CSMD3: variants seen among roughly 807,000 people sequenced by gnomAD.
CSMD3 encodes the protein CUB and Sushi multiple domains 3, also known as CUB and sushi domain-containing protein 3.
A neutral mutation model predicts 435.2 loss-of-function variants in CSMD3; 177 were observed. The ratio of observed to expected loss-of-function variants is 0.41; its 90% CI spans 0.36 to 0.46. The LOEUF (loss-of-function observed/expected upper bound fraction) is 0.46, where lower values mean the gene tolerates loss of function less well. Among genes scored for constraint, CSMD3 ranks in the 20% least tolerant of loss-of-function variants. The pLI is 0.34. For missense variants in CSMD3, 4,265 were observed against 4,504.6 expected (o/e 0.95, Z 1.52); for synonymous variants, 1,656 against 1,520.5 (o/e 1.09, Z -2.07).
At chr8:112,270,769 C>T (rs571084275) in intron 59 of CSMD3, among the ~76,000 whole-genome samples, 232 of 152,002 alleles carry the variant, frequency 1.5e-3, no homozygotes, top group South Asian at 3.5e-3. Context: ...TGGATTATTC[C>T]TCTGATTTGT....
intron 50 of CSMD3, among the ~76,000 whole-genome samples, chr8:112,308,883 C>A (rs1821691010): frequency 6.6e-6 from 1 of 151,872 alleles, no homozygotes; most frequent in East Asian, 1.9e-4. Context: ...CTGAAAAATG[C>A]AAAACAAGTT....
chr8:113,224,534 C>T (rs532816451), intron 3 of CSMD3, among the ~76,000 whole-genome samples: 1 of 151,240 alleles, frequency 6.6e-6, no homozygotes, highest in Non-Finnish European at 1.5e-5. Flanking sequence ...TATATAACAT[C>T]TGTTTGTAGC....
intron 3 of CSMD3, among the ~76,000 whole-genome samples, chr8:113,179,659 T>C (rs1302076883): frequency 6.6e-6 from 1 of 151,814 alleles, no homozygotes; most frequent in Non-Finnish European, 1.5e-5. Flanking sequence ...ATTCAATGAA[T>C]TGCAGGCTAA....
intron 22 of CSMD3, among the ~76,000 whole-genome samples, chr8:112,614,477 C>T (rs1490421819): frequency 6.6e-6 from 1 of 152,002 alleles, no homozygotes; most frequent in Non-Finnish European, 1.5e-5. Context: ...TCTCTGCCCT[C>T]ACCCCATCTT....
intron 2 of CSMD3, among the ~76,000 whole-genome samples, chr8:113,294,573 G>C (rs1254712777): frequency 6.6e-6 from 1 of 152,042 alleles, no homozygotes; most frequent in Non-Finnish European, 1.5e-5. Flanking sequence ...AAATTATTCT[G>C]ATGTAAGAAG....
chr8:112,747,314 T>C (rs543714998), intron 13 of CSMD3, among the ~76,000 whole-genome samples: 3 of 150,340 alleles, frequency 2.0e-5, no homozygotes, highest in Non-Finnish European at 4.4e-5. Context: ...AAGTTAAATG[T>C]GGTTGGAGAA....
At chr8:113,089,015 G>T (rs2089909717) in intron 5 of CSMD3, among the ~76,000 whole-genome samples, 1 of 152,002 alleles carries the variant, frequency 6.6e-6, no homozygotes, top group African/African-American at 2.4e-5. Flanking sequence ...CTCTGTCAGA[G>T]AATTTCTCTT....
At chr8:113,119,514 TAGAA>T (rs1300971846) in intron 4 of CSMD3, among the ~76,000 whole-genome samples, 1 of 151,972 alleles carries the variant, frequency 6.6e-6, no homozygotes, top group Admixed American at 6.6e-5. Context: ...GTTAAAAACA[TAGAA>T]AGAAAGTGAA....
chr8:113,382,981 A>AAAAT (rs578215203), intron 1 of CSMD3, among the ~76,000 whole-genome samples: 2 of 152,130 alleles, frequency 1.3e-5, no homozygotes, highest in Non-Finnish European at 2.9e-5. Context: ...ACTCTGTCTC[A>AAAAT]AAATAAATAA....
At chr8:113,380,473 G>A (rs1200264061) in intron 1 of CSMD3, among the ~76,000 whole-genome samples, 6 of 152,006 alleles carry the variant, frequency 3.9e-5, no homozygotes, top group South Asian at 2.1e-4. Context: ...GAAAGAATTA[G>A]AAAAATATGA....
rs556095761 is a variant in CSMD3, at chr8:112,467,330, CG to C, written c.5395+5260del. On this transcript the variant is annotated intron_variant, in intron 32 of 70. Coordinates refer to ENST00000297405, the MANE Select transcript of CSMD3 (RefSeq NM_198123.2). ...CTCTGTACACTAACAAATATGTCTT[CG>C]GGGTGTGTCTTCTAGGAGGTAGAGC... 8.5e-4 allele frequency among the ~76,000 whole-genome samples: 129 copies of C among 152,174 alleles called. 1 individual carries two copies. Among genetic ancestry groups the C allele is most frequent in the African/African-American group, 2.9e-3 (121 of 41,512 alleles).
chr8:112,650,071 A>C, intron 19 of CSMD3, 90 bp downstream of exon 19: 1 of 941,326 alleles, frequency 1.1e-6, no homozygotes, highest in Non-Finnish European at 1.7e-6. Context: ...AACCTAAAAT[A>C]TTTATAATTA....
rs571431963 is a variant in CSMD3 at position 112,367,177 on chromosome 8, CACATT to C, written c.6136+13170_6136+13174del. ...TATATGTATATAATAAATGTGCTAT[CACATT>C]ACAATTTTTTCTTACTTTACAAGTA... On this transcript the variant is annotated intron_variant, in intron 38 of 70. Coordinates refer to ENST00000297405, the MANE Select transcript of CSMD3 (RefSeq NM_198123.2). Among the ~76,000 whole-genome samples, 514 of 152,142 alleles carry C rather than the reference CACATT, an allele frequency of 3.4e-3. 3 individuals carry two copies. Among genetic ancestry groups the C allele is most frequent in the African/African-American group, 0.012 (486 of 41,534 alleles).
At chr8:113,411,862 T>A (rs1485001497) in intron 1 of CSMD3, among the ~76,000 whole-genome samples, 1 of 152,044 alleles carries the variant, frequency 6.6e-6, no homozygotes, top group African/African-American at 2.4e-5. Context: ...ATCTTCTTTT[T>A]AAAAAAAATT....
At chr8:112,581,042 A>T (rs916291038) in intron 23 of CSMD3, among the ~76,000 whole-genome samples, 1 of 152,220 alleles carries the variant, frequency 6.6e-6, no homozygotes, top group South Asian at 2.1e-4. Context: ...ATGTATTCCT[A>T]TTACATGAAT....
intron 3 of CSMD3, among the ~76,000 whole-genome samples, chr8:113,232,791 A>G (rs2093103292): frequency 6.6e-6 from 1 of 151,770 alleles, no homozygotes; most frequent in Non-Finnish European, 1.5e-5. Context: ...CTTTACTCTC[A>G]TAAAAACTCA....
intron 32 of CSMD3, among the ~76,000 whole-genome samples, chr8:112,418,804 C>T (rs1014173257): frequency 5.3e-5 from 8 of 152,084 alleles, no homozygotes; most frequent in South Asian, 2.1e-4. Context: ...AAATCAAAAA[C>T]GCCTCAAACT....
At chr8:112,543,940 A>T (rs747915953) in intron 27 of CSMD3, among the ~76,000 whole-genome samples, 1 of 152,170 alleles carries the variant, frequency 6.6e-6, no homozygotes, top group Non-Finnish European at 1.5e-5. Context: ...AACCTTGAGG[A>T]CACTATGCTA....
At chr8:112,234,975 G>A (rs1813434048) in intron 67 of CSMD3, among the ~76,000 whole-genome samples, 1 of 152,076 alleles carries the variant, frequency 6.6e-6, no homozygotes, top group Non-Finnish European at 1.5e-5. Flanking sequence ...TATAAGTAAG[G>A]TACACAGCTA....
Sources: allele counts gnomAD v4.1 joint callset (sites outside exome capture counted in the v4.1 genomes callset), GRCh38; gene constraint gnomAD v4.1.1; transcripts MANE v1.5; gene names NCBI Gene and HGNC (gene_info 2026-07-23, HGNC 2026-07-21).